ATP8B4: variants seen among roughly 807,000 people sequenced by gnomAD.
ATP8B4 encodes probable phospholipid-transporting ATPase IM.
Under a neutral mutation model 145.6 loss-of-function variants are expected in ATP8B4, and 133 were observed. The ratio of observed to expected loss-of-function variants is 0.91; its 90% CI spans 0.79 to 1.05. The LOEUF (loss-of-function observed/expected upper bound fraction) is 1.05, where lower values mean the gene tolerates loss of function less well. Among genes scored for constraint, ATP8B4 ranks in the 50% least tolerant of loss-of-function variants. The probability of loss-of-function intolerance (pLI) is 0.00; values close to 1 mark genes in which losing one functional copy is unlikely to be tolerated. For missense variants in ATP8B4, 1,458 were observed against 1,425.2 expected, an observed-to-expected ratio of 1.02 and a Z score of -0.37; for synonymous variants, 507 against 492.9, an observed-to-expected ratio of 1.03 and a Z score of -0.38.
intron 23 of ATP8B4, chr15:49,880,634 T>C (rs1415679297): frequency 2.0e-5 from 3 of 152,110 alleles, no homozygotes; most frequent in African/African-American, 7.2e-5. Context: ...ATGGTGGAAG[T>C]GGGAAAGCTT....
chr15:49,959,500 A>T (rs1367520820), intron 14 of ATP8B4, among the ~76,000 whole-genome samples: 1 of 152,122 alleles, frequency 6.6e-6, no homozygotes, highest in Non-Finnish European at 1.5e-5. Context: ...AATTAAAAGT[A>T]AAAAAGTTAG....
chr15:49,953,322 C>T (rs1599390329), intron 14 of ATP8B4, among the ~76,000 whole-genome samples: 2 of 152,184 alleles, frequency 1.3e-5, no homozygotes, highest in Admixed American at 1.3e-4. Context: ...GAGGCTAAGT[C>T]TGCTGGTGCG....
At chr15:50,081,076 G>C (rs1246978436) in intron 2 of ATP8B4, among the ~76,000 whole-genome samples, 7 of 148,666 alleles carry the variant, frequency 4.7e-5, no homozygotes, top group African/African-American at 7.5e-5. Context: ...TCACGCCACT[G>C]CACTCCAGCC....
At chr15:49,910,089 A>G (rs2039072926) in intron 20 of ATP8B4, among the ~76,000 whole-genome samples, 2 of 152,202 alleles carry the variant, frequency 1.3e-5, no homozygotes, top group African/African-American at 2.4e-5. Context: ...GATAAACAAT[A>G]CAAAGAAATG....
intron 23 of ATP8B4, among the ~76,000 whole-genome samples, chr15:49,882,308 C>A (rs2035551075): frequency 6.6e-6 from 1 of 152,174 alleles, no homozygotes; most frequent in Admixed American, 6.5e-5. Context: ...TCCTATCTAC[C>A]CTCAAGAGTC....
chr15:50,047,867 C>T (rs918952650), intron 3 of ATP8B4, among the ~76,000 whole-genome samples: 10 of 152,118 alleles, frequency 6.6e-5, no homozygotes, highest in East Asian at 1.9e-4. Flanking sequence ...TAGATACCTC[C>T]GACAAGGGGC....
At chr15:49,871,261 A>C (rs28496735) in intron 25 of ATP8B4, among the ~76,000 whole-genome samples, 1,823 of 152,332 alleles carry the variant, frequency 0.012, 42 homozygotes, top group African/African-American at 0.042. Flanking sequence ...AGTATATGGC[A>C]CAGTATCCAG....
At chr15:50,024,181 C>T (rs916288156) in intron 6 of ATP8B4, among the ~76,000 whole-genome samples, 1 of 152,162 alleles carries the variant, frequency 6.6e-6, no homozygotes, top group African/African-American at 2.4e-5. Context: ...TGAGTTCTCA[C>T]AGTGGTTAAG....
At chr15:49,900,183 C>T (rs2037863805) in intron 21 of ATP8B4, among the ~76,000 whole-genome samples, 1 of 152,150 alleles carries the variant, frequency 6.6e-6, no homozygotes, top group African/African-American at 2.4e-5. Flanking sequence ...TGCAGCTGAG[C>T]TCTGTAACTT....
At chr15:50,143,644 T>G (rs1236832071) in intron 1 of ATP8B4, among the ~76,000 whole-genome samples, 1 of 152,182 alleles carries the variant, frequency 6.6e-6, no homozygotes, top group African/African-American at 2.4e-5. Flanking sequence ...CCAGGCAGCA[T>G]GAATCTCTGG....
chr15:50,149,481 A>C (rs2044319877), intron 1 of ATP8B4, among the ~76,000 whole-genome samples: 2 of 152,214 alleles, frequency 1.3e-5, no homozygotes. Flanking sequence ...GCCTTGAAGC[A>C]GATCTCTTTG....
chr15:50,180,727 C>T (rs530145894), intron 1 of ATP8B4, among the ~76,000 whole-genome samples: 1 of 152,240 alleles, frequency 6.6e-6, no homozygotes, highest in East Asian at 1.9e-4. Context: ...CTGCTTTCTC[C>T]TCAGGGATGA....
chr15:50,021,217 GCAT>G (rs1162567047), intron 6 of ATP8B4, among the ~76,000 whole-genome samples: 6 of 152,032 alleles, frequency 3.9e-5, no homozygotes, highest in African/African-American at 1.5e-4. Context: ...CATGTCCATG[GCAT>G]CATCATCATA....
intron 25 of ATP8B4, among the ~76,000 whole-genome samples, chr15:49,872,764 C>G (rs1273195229): frequency 6.6e-6 from 1 of 152,058 alleles, no homozygotes; most frequent in South Asian, 2.1e-4. Flanking sequence ...AGGAACATGA[C>G]CACTAAATTC....
intron 25 of ATP8B4, among the ~76,000 whole-genome samples, chr15:49,875,951 T>C (rs1001701942): frequency 6.6e-6 from 1 of 152,208 alleles, no homozygotes. Context: ...GGAAAGTTTC[T>C]CCTTCTGTTA....
At chr15:50,165,645 T>C (rs2044585903) in intron 1 of ATP8B4, among the ~76,000 whole-genome samples, 1 of 152,142 alleles carries the variant, frequency 6.6e-6, no homozygotes, top group Non-Finnish European at 1.5e-5. Flanking sequence ...AGGGGGGTCA[T>C]ATGGAAATTC....
chr15:50,000,833 T>A (rs2047828144), intron 8 of ATP8B4, among the ~76,000 whole-genome samples: 1 of 152,174 alleles, frequency 6.6e-6, no homozygotes, highest in Non-Finnish European at 1.5e-5. Context: ...CTTTTTATAC[T>A]TTACATTTGA....
At chr15:49,877,518 G>A (rs1269796649) in intron 24 of ATP8B4, among the ~76,000 whole-genome samples, 2 of 152,248 alleles carry the variant, frequency 1.3e-5, no homozygotes, top group East Asian at 1.9e-4. Context: ...GAAAAACACA[G>A]GCATATTCTC....
At chr15:50,039,080 C>T (rs550598713) in intron 5 of ATP8B4, among the ~76,000 whole-genome samples, 13 of 152,312 alleles carry the variant, frequency 8.5e-5, no homozygotes, top group Admixed American at 6.5e-4. Flanking sequence ...AATCTCCACA[C>T]GTTTAGTTGC....
Sources: allele counts gnomAD v4.1 joint callset (sites outside exome capture counted in the v4.1 genomes callset), GRCh38; gene constraint gnomAD v4.1.1; transcripts MANE v1.5; gene names NCBI Gene and HGNC (gene_info 2026-07-23, HGNC 2026-07-21).